The following KRT73 variants were observed in gnomAD, a reference collection of about 807,000 sequenced individuals.
The protein encoded by KRT73 is keratin, type II cytoskeletal 73.
KRT73 carries 44 observed loss-of-function variants against 47.2 expected under a neutral mutation model. The ratio of observed to expected loss-of-function variants is 0.93; its 90% CI spans 0.73 to 1.20. The LOEUF is 1.20. Among genes scored for constraint, KRT73 ranks in the 50% most tolerant of loss-of-function variants. KRT73 has a pLI of 0.00. For missense variants in KRT73, 713 were observed against 704.5 expected, an observed-to-expected ratio of 1.01 and a Z score of -0.14; for synonymous variants, 285 against 291.3, an observed-to-expected ratio of 0.98 and a Z score of 0.22.
chr12:52,613,571 G>C, intron 5 of KRT73, 117 bp downstream of exon 5: 2 of 1,531,970 alleles, frequency 1.3e-6, no homozygotes, highest in Non-Finnish European at 1.8e-6. Flanking sequence ...CAGTGCCCAG[G>C]AGAGTGCTGT....
At chr12:52,613,404 G>A (rs1462936204) in intron 5 of KRT73, 2 of 304,538 alleles carry the variant, frequency 6.6e-6, no homozygotes, top group Non-Finnish European at 1.2e-5. Context: ...TCCAGGGAGT[G>A]GTTTCTGACC....
chr12:52,611,461 C>T, intron 5 of KRT73, 132 bp from the exon 6 acceptor site: 1 of 1,000,178 alleles, frequency 1.0e-6, no homozygotes, highest in Non-Finnish European at 1.5e-6. Context: ...CCATGTCTAT[C>T]AGCAGCCTCC....
At position 52,608,107 on chromosome 12, in the gene KRT73, G is replaced by A. The variant is rs1940620175; in HGVS notation, c.*89C>T. The A allele has an allele frequency of 7.1e-7, 1 of 1,400,278 alleles. No individual in the cohort carries two copies. Among genetic ancestry groups the A allele is most frequent in the Admixed American group, 2.2e-5 (1 of 46,142 alleles). 86.7% of individuals were successfully genotyped at this position (1,400,278 alleles called of 1,614,324 possible). A position where few individuals can be genotyped will look rare whatever the true frequency, so the allele number is the denominator to read the frequency against. ...CAAAGCAAAGCAAGAAGGAGATGAG[G>A]ACAAATGAGACAGAGGAATTTCCTA... On this transcript the variant is annotated 3_prime_UTR_variant, in exon 9 of 9. Transcript: ENST00000305748.
At chr12:52,621,740 AC>A (rs1565632705), upstream of KRT73, among the ~76,000 whole-genome samples, 1 of 152,202 alleles carries the variant, frequency 6.6e-6, no homozygotes. Flanking sequence ...GGTTTCACCT[AC>A]ACCCACATCA....
upstream of KRT73, among the ~76,000 whole-genome samples, chr12:52,618,973 G>A (rs976877766): frequency 1.3e-5 from 2 of 152,200 alleles, no homozygotes; most frequent in African/African-American, 4.8e-5. Context: ...CAGGGACCCT[G>A]GCTGAGCTGC....
At chr12:52,621,393 T>C (rs1006645250), upstream of KRT73, among the ~76,000 whole-genome samples, 2 of 152,080 alleles carry the variant, frequency 1.3e-5, no homozygotes, top group Admixed American at 6.5e-5. Flanking sequence ...CAGTATTCCC[T>C]ATGTGGATAT....
intron 5 of KRT73, chr12:52,612,849 TG>T (rs1367046304): frequency 1.3e-5 from 2 of 152,250 alleles, no homozygotes; most frequent in African/African-American, 4.8e-5. Context: ...TTGAACTCCC[TG>T]GGCCCTACGT....
chr12:52,610,555 A>ACCCCCCCCCCCCCCCC, intron 7 of KRT73, 60 bp downstream of exon 7: 1 of 247,320 alleles, frequency 4.0e-6, no homozygotes, highest in Non-Finnish European at 7.9e-6. Context: ...CCCCAACCAC[A>ACCCCCCCCCCCCCCCC]CTCTGGGAAA....
At chr12:52,628,072 T>A in the KRT73 span, among the ~76,000 whole-genome samples, 2 of 100,110 alleles carry the variant, frequency 2.0e-5, no homozygotes, top group Admixed American at 1.9e-4. Flanking sequence ...GAGGGTAAGG[T>A]GGGAGTGGGC....
upstream of KRT73, among the ~76,000 whole-genome samples, chr12:52,621,297 G>A (rs898309041): frequency 7.5e-5 from 11 of 146,340 alleles, no homozygotes; most frequent in African/African-American, 2.2e-4. Context: ...GAAAGGGGGG[G>A]GGGGGGAGAG....
At chr12:52,622,214 C>A (rs1197643535), upstream of KRT73, among the ~76,000 whole-genome samples, 1 of 152,050 alleles carries the variant, frequency 6.6e-6, no homozygotes, top group Non-Finnish European at 1.5e-5. Flanking sequence ...AAAGCAGCCA[C>A]AATAAACATG....
At position 52,613,676 on chromosome 12, in the gene KRT73, T is replaced by C. The variant is rs768469126; in HGVS notation, c.984+12A>G. The C allele has an allele frequency of 6.2e-7, 1 of 1,613,892 alleles. No individual in the cohort carries two copies. The highest frequency in any genetic ancestry group is 1.1e-5 in the South Asian group (1 of 91,038). On this transcript the variant is annotated intron_variant, in intron 5 of 8. Transcript: ENST00000305748. ...CCTGCATACTTCACTATGGGGAGTT[T>C]TGCGGCCTCACCTTGGTCTGGTACA...
At chr12:52,614,210 A>G (rs1940763028) in intron 4 of KRT73, 1 of 335,572 alleles carries the variant, frequency 3.0e-6, no homozygotes, top group Admixed American at 4.4e-5. Context: ...ATGTACATAG[A>G]GAAGGCAGAA....
upstream of KRT73, among the ~76,000 whole-genome samples, chr12:52,621,296 G>GC (rs1940901546): frequency 6.9e-6 from 1 of 145,964 alleles, no homozygotes; most frequent in Non-Finnish European, 1.5e-5. Flanking sequence ...AGAAAGGGGG[G>GC]GGGGGGGAGA....
rs1940677451 is a variant in KRT73 at position 52,610,599 on chromosome 12, C to A, written c.1331+16G>T. 5.9e-6 allele frequency: 8 copies of A among 1,363,280 alleles called. No individual in the cohort carries two copies. The highest frequency in any genetic ancestry group is 3.9e-5 in the Admixed American group (2 of 51,258). The allele number at this position is 1,363,280 out of a possible 1,614,324, so 84.4% of individuals were successfully genotyped here. A position where few individuals can be genotyped will look rare whatever the true frequency, so the allele number is the denominator to read the frequency against. On this transcript the variant is annotated intron_variant, in intron 7 of 8. Coordinates refer to ENST00000305748, the MANE Select transcript of KRT73 (RefSeq NM_175068.3). ...TGGAGACTTGCAGTTTCTTCCAGTC[C>A]CTCGGTCCCACCCACCTGCACTCCT...
Position 52,614,694 on chromosome 12 carries a change from C to G in KRT73, c.724-20G>C. The G allele has an allele frequency of 6.2e-7, 1 of 1,601,036 alleles. No homozygotes were observed. On this transcript the variant is annotated intron_variant, in intron 3 of 8. Transcript: ENST00000305748. Reference sequence around the variant, plus strand: ...CACGTCCTATGGAGAATCCAGATACCCCTGACCTCACCTTTCTTCAAGCCC... The same window carrying G: ...CACGTCCTATGGAGAATCCAGATACGCCTGACCTCACCTTTCTTCAAGCCC...
intron 1 of KRT73, among the ~76,000 whole-genome samples, chr12:52,617,212 C>T (rs1940832469): frequency 1.3e-5 from 2 of 152,310 alleles, no homozygotes; most frequent in South Asian, 2.1e-4. Flanking sequence ...TGCCTCACCA[C>T]CCTACCTCAC....
Position 52,608,028 on chromosome 12 carries a change from A to C in KRT73, c.*168T>G. On this transcript the variant is annotated 3_prime_UTR_variant, in exon 9 of 9. Coordinates refer to ENST00000305748, the MANE Select transcript of KRT73 (RefSeq NM_175068.3). ...GCTCCAGCTCTCAAATCCTGATTCA[A>C]CATTAACAAAGACTGAGGCAGAGAG... is the stretch of plus-strand genomic sequence containing the variant. 1.4e-6 allele frequency: 1 copy of C among 706,966 alleles called. No individual in the cohort carries two copies. The highest frequency in any genetic ancestry group is 2.7e-5 in the Admixed American group (1 of 37,026). The allele number at this position is 706,966 out of a possible 1,614,324, so 43.8% of individuals were successfully genotyped here.
At chr12:52,609,195 TTG>T in intron 8 of KRT73, 50 bp downstream of exon 8, 2 of 1,553,630 alleles carry the variant, frequency 1.3e-6, no homozygotes, top group South Asian at 1.1e-5. Flanking sequence ...CCCACCCACT[TTG>T]TGTTTGTTGA....
Sources: allele counts gnomAD v4.1 joint callset (sites outside exome capture counted in the v4.1 genomes callset), GRCh38; gene constraint gnomAD v4.1.1; transcripts MANE v1.5; gene names NCBI Gene and HGNC (gene_info 2026-07-23, HGNC 2026-07-21).